Variants in CTNNA2 observed in about 807,000 individuals in gnomAD.
CTNNA2 encodes catenin alpha 2.
In CTNNA2, 42 loss-of-function variants were observed where a neutral mutation model predicts 101.0. The ratio of observed to expected loss-of-function variants is 0.42; its 90% CI spans 0.32 to 0.54. The LOEUF (loss-of-function observed/expected upper bound fraction) is 0.54. CTNNA2 is among the 20% of genes least tolerant of loss of function. The pLI is 0.14. For synonymous variants in CTNNA2, 450 were observed against 456.4 expected, an observed-to-expected ratio of 0.99 and a Z score of 0.18; for missense variants, 871 against 1,223.1, an observed-to-expected ratio of 0.71 and a Z score of 4.29.
At chr2:79,240,384 C>T (rs1352768727) in intron 2 of CTNNA2, among the ~76,000 whole-genome samples, 2 of 152,086 alleles carry the variant, frequency 1.3e-5, no homozygotes, top group Non-Finnish European at 2.9e-5. Flanking sequence ...CCTCTATCCT[C>T]AAGGTAAGTC....
At chr2:79,323,096 C>A (rs778508201) in intron 3 of CTNNA2, among the ~76,000 whole-genome samples, 1 of 152,178 alleles carries the variant, frequency 6.6e-6, no homozygotes, top group Non-Finnish European at 1.5e-5. Context: ...CCTCAAATTT[C>A]AAATCCCCAG....
At chr2:79,860,186 G>T (rs1018312770) in intron 4 of CTNNA2, among the ~76,000 whole-genome samples, 1 of 152,174 alleles carries the variant, frequency 6.6e-6, no homozygotes, top group African/African-American at 2.4e-5. Flanking sequence ...GATATTTTTA[G>T]ATAAGTCTTT....
chr2:80,340,246 G>T (rs775435427), intron 7 of CTNNA2, among the ~76,000 whole-genome samples: 1 of 152,124 alleles, frequency 6.6e-6, no homozygotes, highest in South Asian at 2.1e-4. Flanking sequence ...TGCAAGCCTG[G>T]TTCTACAATG....
intron 1 of CTNNA2, among the ~76,000 whole-genome samples, chr2:79,593,353 G>A (rs1005260871): frequency 1.3e-5 from 2 of 152,118 alleles, no homozygotes; most frequent in African/African-American, 4.8e-5. Flanking sequence ...GGACAATTAT[G>A]GTCACAGTTG....
At chr2:80,568,741 T>C (rs2149690167) in intron 12 of CTNNA2, among the ~76,000 whole-genome samples, 1 of 152,172 alleles carries the variant, frequency 6.6e-6, no homozygotes, top group African/African-American at 2.4e-5. Flanking sequence ...CAAAGACGAG[T>C]ATGTACATTT....
intron 2 of CTNNA2, among the ~76,000 whole-genome samples, chr2:79,258,433 G>C (rs1674875865): frequency 6.6e-6 from 1 of 152,138 alleles, no homozygotes; most frequent in East Asian, 1.9e-4. Context: ...ATGATGGCAT[G>C]AAAGCGCTTT....
At chr2:80,461,788 A>G (rs755627327) in intron 9 of CTNNA2, among the ~76,000 whole-genome samples, 1 of 151,984 alleles carries the variant, frequency 6.6e-6, no homozygotes, top group Non-Finnish European at 1.5e-5. Flanking sequence ...TTGGAACCAA[A>G]TAATGTCGAC....
intron 7 of CTNNA2, among the ~76,000 whole-genome samples, chr2:80,263,587 C>T (rs1573542966): frequency 6.6e-6 from 1 of 152,168 alleles, no homozygotes; most frequent in Admixed American, 6.5e-5. Context: ...CCACCTGCCT[C>T]GGCCTCCCAA....
At chr2:80,607,111 T>C (rs1379711846) in intron 16 of CTNNA2, among the ~76,000 whole-genome samples, 6 of 151,922 alleles carry the variant, frequency 3.9e-5, no homozygotes, top group African/African-American at 1.2e-4. Flanking sequence ...CTTTACAGTA[T>C]TGATAAAAGA....
At chr2:80,087,785 C>A (rs1310906280) in intron 7 of CTNNA2, among the ~76,000 whole-genome samples, 4 of 151,988 alleles carry the variant, frequency 2.6e-5, no homozygotes, top group African/African-American at 9.7e-5. Context: ...GGTTTACAGC[C>A]CCCTCTTGGA....
chr2:79,881,953 C>G (rs1683464229), intron 6 of CTNNA2, among the ~76,000 whole-genome samples: 3 of 150,744 alleles, frequency 2.0e-5, no homozygotes, highest in Non-Finnish European at 4.4e-5. Context: ...ACTGGGTTTC[C>G]TTTCCATGTT....
intron 3 of CTNNA2, among the ~76,000 whole-genome samples, chr2:79,795,498 T>G (rs942793641): frequency 6.6e-6 from 1 of 152,032 alleles, no homozygotes; most frequent in East Asian, 1.9e-4. Context: ...AAAATGTAAT[T>G]AATAAATATT....
At chr2:80,267,810 T>G (rs1673128307) in intron 7 of CTNNA2, among the ~76,000 whole-genome samples, 1 of 152,068 alleles carries the variant, frequency 6.6e-6, no homozygotes, top group Non-Finnish European at 1.5e-5. Context: ...TGTTAGTGGA[T>G]TTTTCAGTGA....
chr2:79,801,809 T>C (rs1046695051), intron 3 of CTNNA2, among the ~76,000 whole-genome samples: 1 of 151,808 alleles, frequency 6.6e-6, no homozygotes, highest in African/African-American at 2.4e-5. Flanking sequence ...CTGACCAACA[T>C]GGGGAAACCC....
intron 4 of CTNNA2, among the ~76,000 whole-genome samples, chr2:79,456,702 C>G (rs779357982): frequency 6.6e-6 from 1 of 152,074 alleles, no homozygotes; most frequent in Admixed American, 6.6e-5. Context: ...ACTCTTGGAA[C>G]GATTGAAATC....
intron 3 of CTNNA2, among the ~76,000 whole-genome samples, chr2:79,747,504 G>C (rs555982148): frequency 1.3e-5 from 2 of 152,106 alleles, no homozygotes; most frequent in African/African-American, 4.8e-5. Context: ...GATTGGCCCC[G>C]GGCCTCCTTT....
intron 7 of CTNNA2, among the ~76,000 whole-genome samples, chr2:80,097,670 C>T (rs1323567823): frequency 6.6e-6 from 1 of 152,218 alleles, no homozygotes; most frequent in Non-Finnish European, 1.5e-5. Flanking sequence ...GGTCTTTTCA[C>T]AGAGTCCCAT....
At chr2:80,257,849 A>G (rs900464431) in intron 7 of CTNNA2, among the ~76,000 whole-genome samples, 5 of 152,264 alleles carry the variant, frequency 3.3e-5, no homozygotes, top group Non-Finnish European at 7.3e-5. Context: ...CCGGGCAATC[A>G]TCAGTGCAGT....
At chr2:79,501,887 C>T (rs779898894) in intron 4 of CTNNA2, among the ~76,000 whole-genome samples, 4 of 151,658 alleles carry the variant, frequency 2.6e-5, no homozygotes, top group South Asian at 2.1e-4. Flanking sequence ...GAGGTGAATC[C>T]GACGACCCTG....
Sources: allele counts gnomAD v4.1 joint callset (sites outside exome capture counted in the v4.1 genomes callset), GRCh38; gene constraint gnomAD v4.1.1; transcripts MANE v1.5; gene names NCBI Gene and HGNC (gene_info 2026-07-23, HGNC 2026-07-21).